SNX4: variants seen among roughly 807,000 people sequenced by gnomAD.
SNX4 encodes sorting nexin 4.
Under a neutral mutation model 70.8 loss-of-function variants are expected in SNX4, and 49 were observed. The ratio of observed to expected loss-of-function variants is 0.69; its 90% CI spans 0.55 to 0.88. SNX4 has a LOEUF of 0.88. SNX4 is among the 40% of genes least tolerant of loss of function. The pLI is 0.00. For synonymous variants in SNX4, 206 were observed against 183.8 expected (o/e 1.12, Z -0.98); for missense variants, 528 against 544.8 (o/e 0.97, Z 0.31).
At chr3:125,450,148 G>A (rs1423977866) in intron 13 of SNX4, among the ~76,000 whole-genome samples, 1 of 152,180 alleles carries the variant, frequency 6.6e-6, no homozygotes, top group Admixed American at 6.5e-5. Flanking sequence ...CAGGCAAGAA[G>A]AGGTGACAGA....
chr3:125,507,723 A>G (rs1935080629), intron 1 of SNX4, among the ~76,000 whole-genome samples: 1 of 152,210 alleles, frequency 6.6e-6, no homozygotes, highest in Admixed American at 6.5e-5. Flanking sequence ...GATATCTTCA[A>G]AGTGCTAAAA....
In SNX4 at chr3:125,447,707, C is replaced by A. The variant is rs1382041450; in HGVS notation, c.*72G>T. ...TATGTTTATGTATACTAGGTAGTGA[C>A]TTAAATTTCTTTTATTTACTTGTGC... is the stretch of plus-strand genomic sequence containing the variant. On this transcript the variant is annotated 3_prime_UTR_variant, in exon 14 of 14. Coordinates refer to ENST00000251775, the MANE Select transcript of SNX4 (RefSeq NM_003794.4). 6 of 1,090,926 alleles carry A rather than the reference C, an allele frequency of 5.5e-6. No individual in the cohort carries two copies. The East Asian group carries it at 1.5e-4, about 27-fold the overall frequency. The allele number at this position is 1,090,926 out of a possible 1,614,324, so 67.6% of individuals were successfully genotyped here.
intron 9 of SNX4, among the ~76,000 whole-genome samples, chr3:125,463,253 A>G (rs1264716371): frequency 1.3e-5 from 2 of 152,214 alleles, no homozygotes; most frequent in Admixed American, 6.5e-5. Context: ...ATAATTTCTT[A>G]TATGTGACTG....
At chr3:125,503,342 C>T (rs957429894) in intron 2 of SNX4, among the ~76,000 whole-genome samples, 3 of 152,196 alleles carry the variant, frequency 2.0e-5, no homozygotes, top group African/African-American at 7.2e-5. Context: ...TTGTTAATAA[C>T]TGACAACAAC....
chr3:125,462,314 A>G (rs1042808510), intron 9 of SNX4, among the ~76,000 whole-genome samples: 1 of 152,180 alleles, frequency 6.6e-6, no homozygotes, highest in African/African-American at 2.4e-5. Flanking sequence ...TAGTGACAAG[A>G]GAAAACTCGG....
chr3:125,469,123 A>C (rs912948191), intron 9 of SNX4, among the ~76,000 whole-genome samples: 1 of 152,182 alleles, frequency 6.6e-6, no homozygotes, highest in Admixed American at 6.5e-5. Flanking sequence ...ATTGGCTATA[A>C]ATTTTAGACT....
intron 8 of SNX4, among the ~76,000 whole-genome samples, chr3:125,470,538 C>A (rs975518612): frequency 2.0e-5 from 3 of 149,766 alleles, no homozygotes; most frequent in African/African-American, 7.3e-5. Context: ...ATTTCAGAGA[C>A]TTCAGACAAC....
At chr3:125,505,568 A>C (rs1243162350) in intron 1 of SNX4, among the ~76,000 whole-genome samples, 2 of 152,212 alleles carry the variant, frequency 1.3e-5, no homozygotes, top group African/African-American at 4.8e-5. Context: ...TGATGCAGCC[A>C]GGGTAGGCAA....
intron 2 of SNX4, among the ~76,000 whole-genome samples, chr3:125,498,994 C>A (rs1934868542): frequency 6.6e-6 from 1 of 152,006 alleles, no homozygotes; most frequent in African/African-American, 2.4e-5. Context: ...AATCCAAGTA[C>A]CAAGAAATAT....
intron 8 of SNX4, among the ~76,000 whole-genome samples, chr3:125,473,198 G>A (rs1431771548): frequency 6.6e-6 from 1 of 151,874 alleles, no homozygotes; most frequent in African/African-American, 2.4e-5. Flanking sequence ...CTCCCTCCCC[G>A]CTCTGGCAGT....
chr3:125,511,946 G>A (rs1221690073), intron 1 of SNX4, among the ~76,000 whole-genome samples: 2 of 151,774 alleles, frequency 1.3e-5, no homozygotes, highest in Non-Finnish European at 1.5e-5. Context: ...AAAACGTACA[G>A]GAAAAATGAG....
At chr3:125,471,971 A>T (rs1353408537) in intron 8 of SNX4, among the ~76,000 whole-genome samples, 1 of 152,190 alleles carries the variant, frequency 6.6e-6, no homozygotes, top group East Asian at 1.9e-4. Context: ...AACAAATAAA[A>T]CAAACATAAC....
At chr3:125,448,840 TA>T (rs1441987430) in intron 13 of SNX4, among the ~76,000 whole-genome samples, 2 of 151,796 alleles carry the variant, frequency 1.3e-5, no homozygotes, top group African/African-American at 2.4e-5. Flanking sequence ...CATGCCCAGC[TA>T]ATTTTTTGTA....
At chr3:125,453,539 G>A (rs1933631388) in intron 12 of SNX4, among the ~76,000 whole-genome samples, 1 of 150,792 alleles carries the variant, frequency 6.6e-6, no homozygotes, top group Admixed American at 6.6e-5. Flanking sequence ...TGTAGAGACA[G>A]GGTCTTCCTA....
At chr3:125,478,204 C>T (rs967077590) in intron 7 of SNX4, among the ~76,000 whole-genome samples, 41 of 151,944 alleles carry the variant, frequency 2.7e-4, no homozygotes, top group African/African-American at 8.0e-4. Flanking sequence ...CTCAGCCTCC[C>T]GAGTAGTGGG....
chr3:125,462,593 C>CAAAAAA (rs34157775), intron 9 of SNX4, among the ~76,000 whole-genome samples: 10 of 48,232 alleles, frequency 2.1e-4, no homozygotes, highest in Non-Finnish European at 2.7e-4. Context: ...TCTGTCTCAC[C>CAAAAAA]AAAAAAAAAA....
Position 125,514,009 on chromosome 3 carries a change from T to C in SNX4, c.141+6023A>G, listed in dbSNP as rs570840327. On this transcript the variant is annotated intron_variant, in intron 1 of 13. Transcript: ENST00000251775. ...AGCTGTGTTTCACTGTATCTTCATA[T>C]GGCTGGAAAAAAGGAGACTTCTGGA... 6.0e-5 allele frequency among the ~76,000 whole-genome samples: 9 copies of C among 150,920 alleles called. No homozygotes were observed. In the East Asian group the frequency reaches 1.6e-3, roughly 26 times the overall value.
At chr3:125,507,066 G>A (rs1331008227) in intron 1 of SNX4, among the ~76,000 whole-genome samples, 1 of 150,844 alleles carries the variant, frequency 6.6e-6, no homozygotes, top group Non-Finnish European at 1.5e-5. Flanking sequence ...GCTGGGTGTG[G>A]TGGCGGGCGC....
intron 1 of SNX4, among the ~76,000 whole-genome samples, chr3:125,514,434 T>C (rs915848430): frequency 1.4e-5 from 2 of 146,856 alleles, no homozygotes; most frequent in African/African-American, 2.5e-5. Flanking sequence ...CTCTATTGCA[T>C]AGGGTGGAGT....
Sources: gnomAD v4.1 joint callset for allele counts (sites outside exome capture counted in the v4.1 genomes callset) on GRCh38, gnomAD v4.1.1 for gene constraint, MANE v1.5 for transcripts, NCBI Gene and HGNC (gene_info 2026-07-23, HGNC 2026-07-21) for gene names.